LHFPL6: variants seen among roughly 807,000 people sequenced by gnomAD.
LHFPL6 encodes the protein LHFPL tetraspan subfamily member 6, also known as LHFPL tetraspan subfamily member 6 protein.
In LHFPL6, 9 loss-of-function variants were observed where a neutral mutation model predicts 20.6. The ratio of observed to expected loss-of-function variants is 0.44; its 90% confidence interval spans 0.26 to 0.76. The LOEUF (loss-of-function observed/expected upper bound fraction) is 0.76, where lower values mean the gene tolerates loss of function less well. Among genes scored for constraint, LHFPL6 ranks in the 30% least tolerant of loss-of-function variants. The pLI is 0.20. For synonymous variants in LHFPL6, 105 were observed against 98.7 expected (o/e 1.06, Z -0.38); for missense variants, 218 against 253.5 (o/e 0.86, Z 0.95).
chr13:39,594,082 A>G (rs1872696484), intron 2 of LHFPL6, among the ~76,000 whole-genome samples: 1 of 152,218 alleles, frequency 6.6e-6, no homozygotes, highest in African/African-American at 2.4e-5. Flanking sequence ...TAAAACACCA[A>G]AAGCAATGGC....
chr13:39,419,355 TAC>T (rs751615864), intron 2 of LHFPL6, among the ~76,000 whole-genome samples: 5 of 152,238 alleles, frequency 3.3e-5, no homozygotes, highest in South Asian at 4.1e-4. Context: ...GCTCTAAAGT[TAC>T]AGTGTTTTAC....
At chr13:39,366,756 G>T (rs185132960) in intron 3 of LHFPL6, among the ~76,000 whole-genome samples, 2 of 152,304 alleles carry the variant, frequency 1.3e-5, no homozygotes, top group Admixed American at 1.3e-4. Context: ...CCTCACAGGG[G>T]CTGATGTGAA....
chr13:39,488,096 C>T (rs896559840), intron 2 of LHFPL6, among the ~76,000 whole-genome samples: 9 of 152,128 alleles, frequency 5.9e-5, no homozygotes, highest in Non-Finnish European at 1.3e-4. Flanking sequence ...AAGGGCCCCA[C>T]CTTCATGAAC....
In LHFPL6 at chr13:39,559,080, A is replaced by G. The variant is rs535804669; in HGVS notation, c.385+41752T>C. On this transcript the variant is annotated intron_variant, in intron 2 of 3. Coordinates refer to ENST00000379589, the MANE Select transcript of LHFPL6 (RefSeq NM_005780.3). ...GGCACTGAAATAAGCCCAGTCTATC[A>G]GACCAAAGGCAACATCCAAGGAGAC... 5.3e-5 allele frequency among the ~76,000 whole-genome samples: 8 copies of G among 152,356 alleles called. No individual in the cohort carries two copies. In the East Asian group the frequency reaches 1.5e-3, roughly 29 times the overall value.
rs1278704463 is a variant in LHFPL6, at chr13:39,360,745, T to C, written c.485-16691A>G. 2.7e-5 allele frequency among the ~76,000 whole-genome samples: 2 copies of C among 74,964 alleles called. 1 individual carries two copies. Among genetic ancestry groups the C allele is most frequent in the Non-Finnish European group, 6.5e-5 (2 of 30,964 alleles). The allele number at this position is 74,964 out of a possible 152,430, so 49.2% of individuals were successfully genotyped here. A position where few individuals can be genotyped will look rare whatever the true frequency, so the allele number is the denominator to read the frequency against. ...GAGCACATGTTAGATGGGCCTCAGA[T>C]TGTAAGGGGACAAAAAAAAAAAAAA... On this transcript the variant is annotated intron_variant, in intron 3 of 3. Coordinates refer to ENST00000379589, the MANE Select transcript of LHFPL6 (RefSeq NM_005780.3).
chr13:39,429,955 A>G (rs1484701704), intron 2 of LHFPL6, among the ~76,000 whole-genome samples: 1 of 152,188 alleles, frequency 6.6e-6, no homozygotes, highest in Non-Finnish European at 1.5e-5. Flanking sequence ...CTTGCAATCA[A>G]TCAGCAACAC....
At chr13:39,441,524 T>C (rs1045137942) in intron 2 of LHFPL6, among the ~76,000 whole-genome samples, 2 of 152,022 alleles carry the variant, frequency 1.3e-5, no homozygotes, top group Non-Finnish European at 2.9e-5. Flanking sequence ...ATTATTATTA[T>C]TATTTTGAGA....
chr13:39,571,891 G>C (rs1279313853), intron 2 of LHFPL6, among the ~76,000 whole-genome samples: 2 of 152,360 alleles, frequency 1.3e-5, no homozygotes, highest in East Asian at 3.9e-4. Flanking sequence ...TCAGCACCCA[G>C]AGTGGCTGGC....
intron 2 of LHFPL6, among the ~76,000 whole-genome samples, chr13:39,450,607 T>A (rs973087216): frequency 6.6e-6 from 1 of 152,166 alleles, no homozygotes; most frequent in African/African-American, 2.4e-5. Context: ...AAGCTGATTT[T>A]GCCTACACTC....
rs1400306101 is a variant in LHFPL6, at chr13:39,352,943, A to G, written c.485-8889T>C. On this transcript the variant is annotated intron_variant, in intron 3 of 3. Coordinates refer to ENST00000379589, the MANE Select transcript of LHFPL6 (RefSeq NM_005780.3). Reference sequence around the variant, plus strand: ...TATATAAATGTATATATATGTGTGTATATATATATACATACATACACACAC... The same window carrying G: ...TATATAAATGTATATATATGTGTGTGTATATATATACATACATACACACAC... Among the ~76,000 whole-genome samples the G allele has an allele frequency of 1.2e-4, 14 of 113,502 alleles. 4 individuals are homozygous for G. Among genetic ancestry groups the G allele is most frequent in the Admixed American group, 4.5e-4 (5 of 11,218 alleles). The allele number at this position is 113,502 out of a possible 152,430, so 74.5% of individuals were successfully genotyped here.
At chr13:39,453,281 T>C (rs903085426) in intron 2 of LHFPL6, among the ~76,000 whole-genome samples, 3 of 152,148 alleles carry the variant, frequency 2.0e-5, no homozygotes, top group African/African-American at 7.2e-5. Flanking sequence ...CAACATTTCA[T>C]TGAATTTACA....
chr13:39,428,109 G>A (rs1871691532), intron 2 of LHFPL6, among the ~76,000 whole-genome samples: 1 of 152,142 alleles, frequency 6.6e-6, no homozygotes, highest in African/African-American at 2.4e-5. Flanking sequence ...GCCAATTAAA[G>A]CTCTTTTCTT....
At position 39,385,784 on chromosome 13, in the gene LHFPL6, C is replaced by T. The variant is rs1246785985; in HGVS notation, c.386-7258G>A. Among the ~76,000 whole-genome samples, 4 of 152,264 alleles carry T rather than the reference C, an allele frequency of 2.6e-5. No individual in the cohort carries two copies. The East Asian group carries it at 7.7e-4, about 29-fold the overall frequency. ...CTCCTGCCAAGAAGGCAAAACAAAC[C>T]TCTAGTCAGCCAATGCCAATTACTC... On this transcript the variant is annotated intron_variant, in intron 2 of 3. Coordinates refer to ENST00000379589, the MANE Select transcript of LHFPL6 (RefSeq NM_005780.3).
chr13:39,458,711 C>T (rs1259771380), intron 2 of LHFPL6, among the ~76,000 whole-genome samples: 1 of 139,912 alleles, frequency 7.1e-6, no homozygotes, highest in Non-Finnish European at 1.5e-5. Context: ...AAAAAAAAGG[C>T]AAGCAGAGTC....
At chr13:39,388,049 G>T (rs972732634) in intron 2 of LHFPL6, among the ~76,000 whole-genome samples, 6 of 152,064 alleles carry the variant, frequency 3.9e-5, no homozygotes, top group East Asian at 3.9e-4. Context: ...TGAGAAATGG[G>T]TTATTATCAG....
chr13:39,359,918 A>T (rs1869833575), intron 3 of LHFPL6, among the ~76,000 whole-genome samples: 1 of 152,198 alleles, frequency 6.6e-6, no homozygotes, highest in South Asian at 2.1e-4. Context: ...TAAAAGTGGG[A>T]TAACACCTTT....
intron 2 of LHFPL6, among the ~76,000 whole-genome samples, chr13:39,598,965 T>C (rs1872850067): frequency 6.6e-6 from 1 of 152,188 alleles, no homozygotes; most frequent in Non-Finnish European, 1.5e-5. Flanking sequence ...TAAAAATATA[T>C]ATAATTTCCC....
At chr13:39,367,813 T>A (rs894387007) in intron 3 of LHFPL6, among the ~76,000 whole-genome samples, 5 of 152,198 alleles carry the variant, frequency 3.3e-5, no homozygotes, top group Non-Finnish European at 7.3e-5. Flanking sequence ...ACTTAAACGG[T>A]CTGGAGACCT....
At chr13:39,567,815 T>C (rs1871774837) in intron 2 of LHFPL6, among the ~76,000 whole-genome samples, 1 of 152,240 alleles carries the variant, frequency 6.6e-6, no homozygotes, top group African/African-American at 2.4e-5. Flanking sequence ...AAAGTTTTAT[T>C]GGAACACAGC....
Sources: allele counts gnomAD v4.1 joint callset (sites outside exome capture counted in the v4.1 genomes callset), GRCh38; gene constraint gnomAD v4.1.1; transcripts MANE v1.5; gene names NCBI Gene and HGNC (gene_info 2026-07-23, HGNC 2026-07-21).